SLC28A1: variants seen among roughly 807,000 people sequenced by gnomAD.
SLC28A1 encodes the protein solute carrier family 28 member 1, also known as sodium/nucleoside cotransporter 1.
In SLC28A1, 64 loss-of-function variants were observed where a neutral mutation model predicts 74.8. The observed-to-expected ratio is 0.86, with a 90% CI of 0.70 to 1.05. The LOEUF (loss-of-function observed/expected upper bound fraction) is 1.05, where lower values mean the gene tolerates loss of function less well. Among genes scored for constraint, SLC28A1 ranks in the 50% least tolerant of loss-of-function variants. The pLI is 0.00. For missense variants in SLC28A1, 828 were observed against 822.8 expected (o/e 1.01, Z -0.08); for synonymous variants, 359 against 335.0 (o/e 1.07, Z -0.78).
chr15:84,969,391 G>A, the SLC28A1 span, among the ~76,000 whole-genome samples: 1 of 152,236 alleles, frequency 6.6e-6, no homozygotes, highest in Non-Finnish European at 1.5e-5. Flanking sequence ...AGAAGGAAGA[G>A]AAGCCTGTGT....
the SLC28A1 span, among the ~76,000 whole-genome samples, chr15:84,964,310 A>G: frequency 1.3e-5 from 2 of 149,752 alleles, no homozygotes; most frequent in Non-Finnish European, 2.9e-5. Flanking sequence ...GAAGAAGAAA[A>G]GAAGAGAAAC....
chr15:84,886,767 C>T lies in SLC28A1; in HGVS notation c.-37C>T, dbSNP rs189563716. ...GTGTGCTTCCCTCTCTCTCTGAGAG[C>T]GACCTGTTAACCGCAAATACGTGAG... On this transcript the variant is annotated 5_prime_UTR_variant, in exon 2 of 19. Transcript: ENST00000394573. 7 of 985,240 alleles carry T rather than the reference C, an allele frequency of 7.1e-6. No individual in the cohort carries two copies. In the South Asian group the frequency reaches 2.3e-4, roughly 33 times the overall value. The allele number at this position is 985,240 out of a possible 1,614,324, so 61.0% of individuals were successfully genotyped here.
At chr15:84,965,418 G>A in the SLC28A1 span, among the ~76,000 whole-genome samples, 63 of 152,168 alleles carry the variant, frequency 4.1e-4, no homozygotes, top group African/African-American at 1.5e-3. Flanking sequence ...GCAGTTTTTT[G>A]GTGGCAATAC....
At position 84,944,030 on chromosome 15, in the gene SLC28A1, C is replaced by A. The variant is rs551650094; in HGVS notation, c.1663+504C>A. Among the ~76,000 whole-genome samples the A allele has an allele frequency of 7.9e-5, 12 of 152,338 alleles. No individual in the cohort carries two copies. In the South Asian group the frequency reaches 2.5e-3, roughly 32 times the overall value. Reference sequence around the variant, plus strand: ...TGGGCCTTGAAGGCCAAGCCTGGCTCAGGGGTGGGAGGTGTGGTGCTTGCC... The same window carrying A: ...TGGGCCTTGAAGGCCAAGCCTGGCTAAGGGGTGGGAGGTGTGGTGCTTGCC... On this transcript the variant is annotated intron_variant, in intron 16 of 18. Coordinates refer to ENST00000394573, the MANE Select transcript of SLC28A1 (RefSeq NM_004213.5).
At chr15:84,920,703 G>GTGTGTGTGTGTGTGTGTGT (rs113735505) in intron 10 of SLC28A1, among the ~76,000 whole-genome samples, 7,643 of 137,308 alleles carry the variant, frequency 0.056, 398 homozygotes, top group East Asian at 0.27. Flanking sequence ...ATCTCCAAGG[G>GTGTGTGTGTGTGTGTGTGT]GTGTGTGTGT....
chr15:84,915,958 C>CTTA (rs1373037536), intron 9 of SLC28A1, among the ~76,000 whole-genome samples: 2 of 151,720 alleles, frequency 1.3e-5, no homozygotes, highest in African/African-American at 4.9e-5. Flanking sequence ...TGTTGTTCTT[C>CTTA]TTCTTATTAT....
At chr15:84,974,149 AC>A in the SLC28A1 span, among the ~76,000 whole-genome samples, 1 of 152,210 alleles carries the variant, frequency 6.6e-6, no homozygotes, top group Non-Finnish European at 1.5e-5. Flanking sequence ...GTTGCGGCTG[AC>A]ATTTAAAAAG....
At chr15:84,896,027 T>C (rs1457803145) in intron 6 of SLC28A1, 1 of 811,972 alleles carries the variant, frequency 1.2e-6, no homozygotes, top group African/African-American at 1.9e-5. Context: ...ATTAAATACA[T>C]TTGTGATTTA....
At chr15:84,901,856 C>T (rs949511046) in intron 6 of SLC28A1, among the ~76,000 whole-genome samples, 2 of 152,050 alleles carry the variant, frequency 1.3e-5, no homozygotes, top group Non-Finnish European at 2.9e-5. Flanking sequence ...AGGCATTTAC[C>T]CAAGAGAAAT....
the SLC28A1 span, among the ~76,000 whole-genome samples, chr15:84,954,458 G>A: frequency 6.6e-6 from 1 of 152,228 alleles, no homozygotes; most frequent in East Asian, 1.9e-4. Context: ...TAGGGAAAAA[G>A]GGACTAACGT....
chr15:84,944,729 GC>G (rs11479919), intron 17 of SLC28A1, 26 bp from the exon 18 acceptor site: 1,605,215 of 1,605,220 alleles, frequency 1, 802,605 homozygotes, highest in Middle Eastern at 1. Flanking sequence ...CGGGGGCCCT[GC>G]CCCACCCACC....
Position 84,935,112 on chromosome 15 carries a change from C to A in SLC28A1, c.1301C>A (p.Ala434Glu), listed in dbSNP as rs141441409. The change falls in exon 14 of 19, where the codon GCG becomes GAG. Residue 434 changes from alanine (A) to glutamate (E), a missense_variant. By Grantham distance (107) the Ala-to-Glu change is moderately radical. Transcript: ENST00000394573. Reference sequence around the variant, plus strand: ...GCCAACATCGCTGCCAACCTGATTGCGTTCCTGGCTGTGCTGGACTTTATC... The same window carrying A: ...GCCAACATCGCTGCCAACCTGATTGAGTTCCTGGCTGTGCTGGACTTTATC... ...VVANIAANLI[A>E]FLAVLDFINA... The A allele has an allele frequency of 3.7e-6, 6 of 1,613,958 alleles. No individual in the cohort carries two copies. The highest frequency in any genetic ancestry group is 5.1e-6 in the Non-Finnish European group (6 of 1,179,926).
intron 5 of SLC28A1, 32 bp from the exon 6 acceptor site, chr15:84,894,908 G>A (rs779259927): frequency 1.9e-6 from 3 of 1,606,946 alleles, no homozygotes; most frequent in Non-Finnish European, 2.6e-6. Context: ...TGGTGTCCTG[G>A]CTGTTGACCC....
At chr15:84,921,415 A>C in intron 11 of SLC28A1, among the ~76,000 whole-genome samples, 1 of 152,232 alleles carries the variant, frequency 6.6e-6, no homozygotes, top group Non-Finnish European at 1.5e-5. Context: ...CATATAAGCC[A>C]CGGCTTCAAA....
chr15:84,943,409 G>A (rs1972937761), intron 15 of SLC28A1, 36 bp from the exon 16 acceptor site: 2 of 1,533,096 alleles, frequency 1.3e-6, no homozygotes, highest in Non-Finnish European at 1.8e-6. Flanking sequence ...GCCCATCTGA[G>A]GGGAGCCCCT....
chr15:84,935,666 G>A, intron 15 of SLC28A1, 148 bp downstream of exon 15: 1 of 691,966 alleles, frequency 1.4e-6, no homozygotes, highest in Non-Finnish European at 2.5e-6. Flanking sequence ...AGTCCTGGGA[G>A]ACAGGACAGC....
chr15:84,961,008 T>C, the SLC28A1 span, among the ~76,000 whole-genome samples: 2 of 152,236 alleles, frequency 1.3e-5, no homozygotes, highest in African/African-American at 2.4e-5. Flanking sequence ...GCCAGACACA[T>C]ACATGGTTGA....
chr15:84,941,262 G>C (rs1275148755), intron 15 of SLC28A1: 1 of 152,008 alleles, frequency 6.6e-6, no homozygotes, highest in Non-Finnish European at 1.5e-5. Flanking sequence ...CTGGAGTGCA[G>C]TGGTGTGATC....
rs1973106473 is a variant in SLC28A1, at chr15:84,944,632, C to T, written c.1730C>T (p.Ala577Val). 1.2e-6 allele frequency: 2 copies of T among 1,613,954 alleles called. No homozygotes were observed. Among genetic ancestry groups the T allele is most frequent in the Non-Finnish European group, 1.7e-6 (2 of 1,179,824 alleles). Residue 577 changes from alanine (A) to valine (V), a missense_variant, in exon 17 of 19, where the codon GCC becomes GTC. Ala to Val is a moderately conservative substitution (Grantham distance 64). Transcript: ENST00000394573. ...QIVLRALFTGACVSLVNACMA... is the reference protein window; with the variant it reads ...QIVLRALFTGVCVSLVNACMA... Reference sequence around the variant, plus strand: ...GTGCTCCGGGCGCTCTTCACGGGAGCCTGTGTGTCCCTGGTGAACGCCTGT... The same window carrying T: ...GTGCTCCGGGCGCTCTTCACGGGAGTCTGTGTGTCCCTGGTGAACGCCTGT...
Sources: allele counts gnomAD v4.1 joint callset (sites outside exome capture counted in the v4.1 genomes callset), GRCh38; gene constraint gnomAD v4.1.1; transcripts MANE v1.5; gene names NCBI Gene and HGNC (gene_info 2026-07-23, HGNC 2026-07-21).